HERC6: variants seen among roughly 807,000 people sequenced by gnomAD.
HERC6 encodes probable E3 ubiquitin-protein ligase HERC6.
Under a neutral mutation model 114.5 loss-of-function variants are expected in HERC6, and 101 were observed. The observed-to-expected ratio is 0.88, with a 90% confidence interval of 0.75 to 1.04. The LOEUF (loss-of-function observed/expected upper bound fraction) is 1.04, where lower values mean the gene tolerates loss of function less well. Among genes scored for constraint, HERC6 ranks in the 50% least tolerant of loss-of-function variants. The pLI is 0.00. For missense variants in HERC6, 1,133 were observed against 1,230.9 expected (o/e 0.92, Z 1.19); for synonymous variants, 408 against 436.2 (o/e 0.94, Z 0.81).
chr4:88,408,180 G>A (rs1429550984), intron 10 of HERC6, among the ~76,000 whole-genome samples: 1 of 152,154 alleles, frequency 6.6e-6, no homozygotes, highest in Non-Finnish European at 1.5e-5. Flanking sequence ...AATATGAATG[G>A]TAAGGAGGGT....
chr4:88,387,127 T>C (rs1489616919), intron 3 of HERC6, among the ~76,000 whole-genome samples: 1 of 152,182 alleles, frequency 6.6e-6, no homozygotes, highest in Non-Finnish European at 1.5e-5. Context: ...CTGGGCATAG[T>C]GGCTCACACC....
intron 4 of HERC6, among the ~76,000 whole-genome samples, chr4:88,391,314 C>T (rs1734908062): frequency 6.6e-6 from 1 of 152,228 alleles, no homozygotes; most frequent in Non-Finnish European, 1.5e-5. Flanking sequence ...ATAGACTCTT[C>T]TGCCTCCCTC....
At position 88,434,135 on chromosome 4, in the gene HERC6, T is replaced by G. The variant is rs556408597; in HGVS notation, c.2251-1590T>G. Among the ~76,000 whole-genome samples, 14 of 152,344 alleles carry G rather than the reference T, an allele frequency of 9.2e-5. No homozygotes were observed. The East Asian group carries it at 2.7e-3, about 29-fold the overall frequency. ...AACTTTACCAATTGGCTCTAAGTTA[T>G]AGATTGCTGACTTAATATGTAATAG... is the stretch of plus-strand genomic sequence containing the variant. On this transcript the variant is annotated intron_variant, in intron 17 of 22. Coordinates refer to ENST00000264346, the MANE Select transcript of HERC6 (RefSeq NM_017912.4).
intron 14 of HERC6, 55 bp from the exon 15 acceptor site, chr4:88,424,540 A>G: frequency 2.3e-6 from 3 of 1,315,880 alleles, no homozygotes; most frequent in Non-Finnish European, 3.2e-6. Context: ...AAAGGAAGTA[A>G]GTTTTTTTTC....
At chr4:88,438,232 A>T (rs1738968681) in intron 20 of HERC6, among the ~76,000 whole-genome samples, 1 of 152,092 alleles carries the variant, frequency 6.6e-6, no homozygotes, top group South Asian at 2.1e-4. Context: ...AGGAGAAAGA[A>T]TTCAGGGTTC....
intron 13 of HERC6, among the ~76,000 whole-genome samples, chr4:88,418,127 A>G: frequency 6.6e-6 from 1 of 152,284 alleles, no homozygotes; most frequent in East Asian, 1.9e-4. Flanking sequence ...AGAAAGCAGA[A>G]TGGTGTTACC....
At chr4:88,405,023 C>G (rs764070895) in intron 9 of HERC6, 26 bp downstream of exon 9, 1 of 1,607,834 alleles carries the variant, frequency 6.2e-7, no homozygotes, top group Non-Finnish European at 8.5e-7. Flanking sequence ...AAATTATAAG[C>G]CACTTTTATC....
At chr4:88,439,628 A>T (rs1739126950) in intron 20 of HERC6, among the ~76,000 whole-genome samples, 2 of 152,154 alleles carry the variant, frequency 1.3e-5, no homozygotes, top group Non-Finnish European at 2.9e-5. Context: ...TTCATGTTTT[A>T]AAAAAATCCT....
chr4:88,407,566 A>ATT (rs1243675113), intron 10 of HERC6, among the ~76,000 whole-genome samples: 2 of 145,054 alleles, frequency 1.4e-5, no homozygotes, highest in African/African-American at 5.0e-5. Flanking sequence ...TGCCTGGCTA[A>ATT]TTTTTTTTTT....
intron 1 of HERC6, among the ~76,000 whole-genome samples, chr4:88,382,822 A>G (rs1734387844): frequency 6.6e-6 from 1 of 152,222 alleles, no homozygotes; most frequent in South Asian, 2.1e-4. Flanking sequence ...TGTTTGAAGT[A>G]GTCAGCAGTT....
intron 8 of HERC6, among the ~76,000 whole-genome samples, chr4:88,403,824 C>G (rs1190371094): frequency 6.6e-6 from 1 of 151,884 alleles, no homozygotes; most frequent in Non-Finnish European, 1.5e-5. Context: ...GTATTATTAT[C>G]TTTTTATTTA....
intron 10 of HERC6, 118 bp from the exon 11 acceptor site, chr4:88,408,406 T>C: frequency 1.4e-6 from 1 of 694,086 alleles, no homozygotes; most frequent in Non-Finnish European, 2.6e-6. Flanking sequence ...TGAAAGGAGG[T>C]AAGCTTTAAG....
In HERC6 at chr4:88,440,202, T is replaced by G. The variant is rs776800541; in HGVS notation, c.2794T>G (p.Trp932Gly). 6.2e-7 allele frequency: 1 copy of G among 1,607,702 alleles called. No homozygotes were observed. The change falls in exon 22 of 23, where the codon TGG becomes GGG. Residue 932 changes from tryptophan to glycine, a missense_variant. Physicochemically the swap from Trp to Gly is radical, Grantham distance 184 (BLOSUM62 -2). Around this residue, in one of 3 missense-constraint regions of HERC6, gnomAD observed 388 missense variants for 445.9 expected, o/e 0.87. Coordinates refer to ENST00000264346, the MANE Select transcript of HERC6 (RefSeq NM_017912.4). ...QKSHPTIQLF[W>G]KAFHKLTLDE... ...ATCACATCCTACTATACAGTTGTTT[T>G]GGAAGGCTTTCCACAAACTAACCTT...
intron 10 of HERC6, among the ~76,000 whole-genome samples, chr4:88,408,174 T>C (rs983758077): frequency 3.3e-5 from 5 of 151,984 alleles, no homozygotes; most frequent in African/African-American, 1.2e-4. Flanking sequence ...TCTGTAAATA[T>C]GAATGGTAAG....
intron 15 of HERC6, among the ~76,000 whole-genome samples, chr4:88,427,378 C>T (rs1405969698): frequency 6.6e-6 from 1 of 152,146 alleles, no homozygotes; most frequent in Non-Finnish European, 1.5e-5. Context: ...TTGCTGGCCA[C>T]AAACCCATGG....
At chr4:88,380,204 TATATATAATATATAA>T (rs1734169171) in intron 1 of HERC6, among the ~76,000 whole-genome samples, 2 of 4,980 alleles carry the variant, frequency 4.0e-4, no homozygotes, top group Non-Finnish European at 7.3e-4. Context: ...AATATAAATA[TATATATAATATATAA>T]ATATATAATA....
At chr4:88,438,728 GA>G (rs1313368757) in intron 20 of HERC6, among the ~76,000 whole-genome samples, 1 of 152,192 alleles carries the variant, frequency 6.6e-6, no homozygotes, top group Non-Finnish European at 1.5e-5. Context: ...ATTAGTAGCT[GA>G]AAATCAGCCA....
At chr4:88,434,120 A>G (rs1738509372) in intron 17 of HERC6, among the ~76,000 whole-genome samples, 1 of 152,212 alleles carries the variant, frequency 6.6e-6, no homozygotes, top group Non-Finnish European at 1.5e-5. Context: ...AACTTTACCA[A>G]TTGGCTCTAA....
intron 15 of HERC6, 31 bp downstream of exon 15, chr4:88,424,733 A>T (rs146533021): frequency 4.1e-4 from 531 of 1,297,456 alleles, no homozygotes; most frequent in Non-Finnish European, 5.2e-4. Flanking sequence ...AGTATGAAAA[A>T]TTTCAAACAT....
Sources: gnomAD v4.1 joint callset for allele counts (sites outside exome capture counted in the v4.1 genomes callset) on GRCh38, gnomAD v4.1.1 for gene constraint, gnomAD v4.1.1 regional missense constraint, MANE v1.5 for transcripts, NCBI Gene and HGNC (gene_info 2026-07-23, HGNC 2026-07-21) for gene names.